Variants in PCF11 observed in about 807,000 individuals in gnomAD.
PCF11 encodes pre-mRNA cleavage complex 2 protein Pcf11.
PCF11 carries 19 observed loss-of-function variants against 166.1 expected under a neutral mutation model. The observed-to-expected ratio is 0.11, with a 90% confidence interval of 0.08 to 0.17. The LOEUF is 0.17. PCF11 is among the 10% of genes least tolerant of loss of function. The pLI, the probability that PCF11 is intolerant of heterozygous loss-of-function variation, is 1.00. For synonymous variants in PCF11, 663 were observed against 644.1 expected (o/e 1.03, Z -0.44); for missense variants, 1,565 against 1,855.5 (o/e 0.84, Z 2.88).
At chr11:83,184,602 G>A (rs905760575) in intron 15 of PCF11, 77 bp from the exon 16 acceptor site, 6 of 954,032 alleles carry the variant, frequency 6.3e-6, no homozygotes, top group Admixed American at 4.4e-5. Context: ...TCATACAAGG[G>A]TCTTACAAGA....
intron 11 of PCF11, 65 bp downstream of exon 11, chr11:83,177,884 A>G (rs1860941641): frequency 1.3e-5 from 8 of 612,164 alleles, no homozygotes; most frequent in South Asian, 1.1e-4. Context: ...TATAGTGGAC[A>G]TTGTTACTAT....
exon 8 of PCF11, chr11:83,168,729 G>A (rs747467546): frequency 1.2e-6 from 2 of 1,613,644 alleles, no homozygotes; most frequent in African/African-American, 1.3e-5. Flanking sequence ...CAGGACAAAT[G>A]GGGGGAGGAG....
At chr11:83,160,879 T>G (rs1860221533) in intron 1 of PCF11, among the ~76,000 whole-genome samples, 3 of 152,220 alleles carry the variant, frequency 2.0e-5, no homozygotes, top group Admixed American at 2.0e-4. Context: ...CTTCATAGAC[T>G]TGAACATATA....
chr11:83,163,014 A>T (rs1590921998), intron 2 of PCF11, among the ~76,000 whole-genome samples: 1 of 152,280 alleles, frequency 6.6e-6, no homozygotes, highest in East Asian at 1.9e-4. Context: ...CAGGTGATCC[A>T]CCTGCCTCGG....
chr11:83,181,687 GTT>G (rs999163207), intron 12 of PCF11, among the ~76,000 whole-genome samples, 165 bp from the exon 13 acceptor site: 1 of 151,728 alleles, frequency 6.6e-6, no homozygotes, highest in Non-Finnish European at 1.5e-5. Flanking sequence ...TTAATTATTA[GTT>G]TCATGTTGTC....
chr11:83,186,932 A>G (rs1407575687), exon 16 of PCF11: 1 of 152,286 alleles, frequency 6.6e-6, no homozygotes, highest in Non-Finnish European at 1.5e-5. Context: ...CTAAAAGTGT[A>G]TCAACGGTAT....
Position 83,182,510 on chromosome 11 carries a change from T to C in PCF11, c.4416+19T>C, listed in dbSNP as rs1354141774. The C allele has an allele frequency of 1.7e-6, 2 of 1,178,222 alleles. No individual in the cohort carries two copies. Among genetic ancestry groups the C allele is most frequent in the African/African-American group, 1.5e-5 (1 of 66,262 alleles). The allele number at this position is 1,178,222 out of a possible 1,614,324, so 73.0% of individuals were successfully genotyped here. A position where few individuals can be genotyped will look rare whatever the true frequency, so the allele number is the denominator to read the frequency against. ...TGGAAAGGTAATTTTCATTTCTTTA[T>C]AAGGAAGTGTTAAGATTAGTGTTTT... On this transcript the variant is annotated intron_variant, in intron 14 of 15. Transcript: ENST00000298281.
chr11:83,165,430 CTT>C (rs760707495), intron 4 of PCF11, among the ~76,000 whole-genome samples, 168 bp from the exon 5 acceptor site: 3 of 152,046 alleles, frequency 2.0e-5, no homozygotes, highest in Non-Finnish European at 4.4e-5. Flanking sequence ...AAATCATGGA[CTT>C]TTTCTTTTCA....
At chr11:83,171,826 T>A (rs755242257) in exon 9 of PCF11, 1 of 1,565,926 alleles carries the variant, frequency 6.4e-7, no homozygotes, top group South Asian at 1.1e-5. Context: ...AGGTTCTGAG[T>A]GGTGTTGCTC....
intron 11 of PCF11, among the ~76,000 whole-genome samples, chr11:83,179,399 A>G (rs1470121230): frequency 2.6e-5 from 4 of 151,782 alleles, no homozygotes; most frequent in African/African-American, 9.7e-5. Context: ...ATAGGCACCC[A>G]TCACCACGCC....
intron 9 of PCF11, among the ~76,000 whole-genome samples, chr11:83,175,770 C>CA (rs1189342832): frequency 6.6e-6 from 1 of 151,824 alleles, no homozygotes; most frequent in African/African-American, 2.4e-5. Context: ...AAAACAAAAA[C>CA]AAAAAAAGAA....
intron 2 of PCF11, among the ~76,000 whole-genome samples, chr11:83,163,421 C>T (rs1860332879): frequency 6.6e-6 from 1 of 151,704 alleles, no homozygotes; most frequent in South Asian, 2.1e-4. Context: ...TTATACTAAG[C>T]TCTAAGATGT....
intron 11 of PCF11, among the ~76,000 whole-genome samples, chr11:83,178,972 TA>T (rs1268945428): frequency 6.6e-6 from 1 of 152,154 alleles, no homozygotes; most frequent in African/African-American, 2.4e-5. Context: ...TATTGTATTA[TA>T]AAAAACATTT....
chr11:83,176,803 T>C (rs1366685152), intron 9 of PCF11, among the ~76,000 whole-genome samples: 1 of 152,022 alleles, frequency 6.6e-6, no homozygotes, highest in Non-Finnish European at 1.5e-5. Flanking sequence ...AACCTGCACG[T>C]TGTGCACATG....
chr11:83,161,049 C>T (rs767713038), intron 1 of PCF11, among the ~76,000 whole-genome samples: 2 of 152,112 alleles, frequency 1.3e-5, no homozygotes, highest in Non-Finnish European at 2.9e-5. Flanking sequence ...AAACACAGGT[C>T]TTTTTACCAC....
chr11:83,159,920 G>T (rs182953151), intron 1 of PCF11, among the ~76,000 whole-genome samples: 1 of 152,292 alleles, frequency 6.6e-6, no homozygotes, highest in Non-Finnish European at 1.5e-5. Context: ...AGACTTTGGT[G>T]TTTAAGAGAG....
At chr11:83,186,233 A>G (rs994828942) in exon 16 of PCF11, 1 of 152,250 alleles carries the variant, frequency 6.6e-6, no homozygotes, top group South Asian at 2.1e-4. Flanking sequence ...AGATTCTACA[A>G]AAGTGGTGAC....
At chr11:83,163,243 TAGTG>T in intron 2 of PCF11, among the ~76,000 whole-genome samples, 1 of 152,254 alleles carries the variant, frequency 6.6e-6, no homozygotes, top group Non-Finnish European at 1.5e-5. Flanking sequence ...GAGCATTAGT[TAGTG>T]AGATAGTTTT....
chr11:83,158,646 A>C (rs1186701760), intron 1 of PCF11: 1 of 152,140 alleles, frequency 6.6e-6, no homozygotes, highest in Non-Finnish European at 1.5e-5. Context: ...TTTATTTTTC[A>C]AGCTTGTACT....
Sources: gnomAD v4.1 joint callset for allele counts (sites outside exome capture counted in the v4.1 genomes callset) on GRCh38, gnomAD v4.1.1 for gene constraint, MANE v1.5 for transcripts, NCBI Gene and HGNC (gene_info 2026-07-23, HGNC 2026-07-21) for gene names.